EIF4G3: variants seen among roughly 807,000 people sequenced by gnomAD.
EIF4G3 encodes eIF-4-gamma 3.
A neutral mutation model predicts 186.4 loss-of-function variants in EIF4G3; 34 were observed. The ratio of observed to expected loss-of-function variants is 0.18; its 90% CI spans 0.14 to 0.24. The LOEUF (loss-of-function observed/expected upper bound fraction) is 0.24. EIF4G3 is among the 10% of genes least tolerant of loss of function. The pLI, the probability that EIF4G3 is intolerant of heterozygous loss-of-function variation, is 1.00. For missense variants in EIF4G3, 1,536 were observed against 1,948.5 expected (o/e 0.79, Z 3.99); for synonymous variants, 673 against 679.5 (o/e 0.99, Z 0.15).
chr1:21,037,421 C>T (rs965704807), intron 4 of EIF4G3, among the ~76,000 whole-genome samples: 6 of 152,100 alleles, frequency 3.9e-5, no homozygotes, highest in African/African-American at 1.4e-4. Context: ...AGTTTGAAAA[C>T]ACTATAGTAT....
At chr1:21,170,628 G>A (rs554990593) in intron 2 of EIF4G3, among the ~76,000 whole-genome samples, 7 of 151,338 alleles carry the variant, frequency 4.6e-5, no homozygotes, top group African/African-American at 7.3e-5. Context: ...CCGAGACTGC[G>A]CCACTGCACT....
intron 3 of EIF4G3, among the ~76,000 whole-genome samples, chr1:21,087,088 T>A (rs1467643663): frequency 6.6e-6 from 1 of 152,142 alleles, no homozygotes; most frequent in Admixed American, 6.5e-5. Context: ...CCCAAAATAA[T>A]AGGAATCACT....
At chr1:20,832,892 C>G (rs2065713665) in intron 30 of EIF4G3, among the ~76,000 whole-genome samples, 2 of 59,852 alleles carry the variant, frequency 3.3e-5, no homozygotes, top group Admixed American at 2.0e-4. Flanking sequence ...GCTTGTTTTT[C>G]TCAGGTTTGT....
At chr1:21,108,732 C>T (rs1258931780) in intron 2 of EIF4G3, among the ~76,000 whole-genome samples, 5 of 151,644 alleles carry the variant, frequency 3.3e-5, no homozygotes, top group African/African-American at 7.3e-5. Context: ...GGCAAAACCC[C>T]GTCTCTACTA....
chr1:20,907,472 T>C (rs965765623), intron 14 of EIF4G3, among the ~76,000 whole-genome samples: 3 of 152,008 alleles, frequency 2.0e-5, no homozygotes, highest in South Asian at 2.1e-4. Flanking sequence ...ACATGTGCCA[T>C]GTTGGTGTGC....
chr1:20,975,338 G>A (rs942507737), intron 10 of EIF4G3, among the ~76,000 whole-genome samples: 8 of 150,034 alleles, frequency 5.3e-5, no homozygotes, highest in African/African-American at 2.0e-4. Flanking sequence ...ATTTTTTGAG[G>A]TAAGTGAAAT....
chr1:21,127,543 A>G (rs780564674), intron 2 of EIF4G3, among the ~76,000 whole-genome samples: 1 of 152,244 alleles, frequency 6.6e-6, no homozygotes. Context: ...CGCAGCAGAC[A>G]TGCAATTAAT....
intron 12 of EIF4G3, among the ~76,000 whole-genome samples, chr1:20,965,459 C>A (rs552505995): frequency 2.0e-5 from 3 of 152,242 alleles, no homozygotes; most frequent in African/African-American, 7.2e-5. Context: ...CCACAATCAC[C>A]CCAATTTAGA....
intron 36 of EIF4G3, among the ~76,000 whole-genome samples, chr1:20,808,540 G>A (rs2154543184): frequency 6.6e-6 from 1 of 152,146 alleles, no homozygotes; most frequent in South Asian, 2.1e-4. Context: ...AATTAGCCGG[G>A]CATGGTGGCG....
At chr1:20,987,227 G>T (rs2079776925) in intron 7 of EIF4G3, among the ~76,000 whole-genome samples, 1 of 152,156 alleles carries the variant, frequency 6.6e-6, no homozygotes, top group African/African-American at 2.4e-5. Flanking sequence ...CTCAGTAAAA[G>T]CATGAAAAGA....
intron 4 of EIF4G3, among the ~76,000 whole-genome samples, chr1:21,045,297 T>C (rs560859785): frequency 3.3e-5 from 5 of 152,292 alleles, no homozygotes; most frequent in South Asian, 2.1e-4. Flanking sequence ...CCTTTACTAA[T>C]GATGAAAATT....
At chr1:20,885,047 A>G (rs2083659226) in intron 19 of EIF4G3, among the ~76,000 whole-genome samples, 1 of 152,134 alleles carries the variant, frequency 6.6e-6, no homozygotes, top group Non-Finnish European at 1.5e-5. Flanking sequence ...ACAGTTCACA[A>G]TAGGGTTCCA....
chr1:21,082,762 G>A (rs1460458418), intron 3 of EIF4G3, among the ~76,000 whole-genome samples: 3 of 152,004 alleles, frequency 2.0e-5, no homozygotes, highest in African/African-American at 7.3e-5. Context: ...AAATTGGCCG[G>A]GCGCGGTGGC....
chr1:20,981,897 TAA>T (rs2078369485), intron 8 of EIF4G3, among the ~76,000 whole-genome samples: 1 of 152,158 alleles, frequency 6.6e-6, no homozygotes, highest in Admixed American at 6.5e-5. Flanking sequence ...CTGACTCTGA[TAA>T]AGAGTAAGTG....
At chr1:20,844,779 C>A (rs2154549635) in intron 29 of EIF4G3, among the ~76,000 whole-genome samples, 1 of 152,128 alleles carries the variant, frequency 6.6e-6, no homozygotes, top group South Asian at 2.1e-4. Context: ...TTGCAGTGAG[C>A]CAAGATTGCG....
At chr1:20,919,052 GTTCT>G (rs2094229658) in intron 14 of EIF4G3, among the ~76,000 whole-genome samples, 2 of 151,816 alleles carry the variant, frequency 1.3e-5, no homozygotes, top group East Asian at 1.9e-4. Context: ...TTGGTTATTT[GTTCT>G]TTCTTTTCTG....
At chr1:20,894,871 C>G (rs575743795) in intron 17 of EIF4G3, among the ~76,000 whole-genome samples, 1 of 152,214 alleles carries the variant, frequency 6.6e-6, no homozygotes, top group Non-Finnish European at 1.5e-5. Flanking sequence ...CCTATTTGCA[C>G]AAGATTGGAG....
chr1:21,116,676 T>TA (rs201979292), intron 2 of EIF4G3, among the ~76,000 whole-genome samples: 2,773 of 151,730 alleles, frequency 0.018, 47 homozygotes, highest in Non-Finnish European at 0.027. Flanking sequence ...CTGTCTCTAC[T>TA]AAAAATACAA....
intron 14 of EIF4G3, among the ~76,000 whole-genome samples, chr1:20,923,639 G>GA (rs200341429): frequency 3.0e-4 from 45 of 148,362 alleles, no homozygotes; most frequent in East Asian, 1.8e-3. Flanking sequence ...ACTCTAGATG[G>GA]AAAAAAAAAA....
Sources: allele counts gnomAD v4.1 joint callset (sites outside exome capture counted in the v4.1 genomes callset), GRCh38; gene constraint gnomAD v4.1.1; transcripts MANE v1.5; gene names NCBI Gene and HGNC (gene_info 2026-07-23, HGNC 2026-07-21).